The following TRPM3 variants were observed in gnomAD, a reference collection of about 807,000 sequenced individuals.
The protein encoded by TRPM3 is long transient receptor potential channel 3.
A neutral mutation model predicts 181.2 loss-of-function variants in TRPM3; 77 were observed. The ratio of observed to expected loss-of-function variants is 0.42; its 90% CI spans 0.35 to 0.51. The LOEUF is 0.51. TRPM3 is among the 20% of genes least tolerant of loss of function. The pLI is 0.01. For missense variants in TRPM3, 1,759 were observed against 2,196.7 expected (o/e 0.80, Z 3.98); for synonymous variants, 745 against 796.4 (o/e 0.94, Z 1.09).
At chr9:70,547,977 C>G (rs1296457001) in intron 25 of TRPM3, among the ~76,000 whole-genome samples, 1 of 152,228 alleles carries the variant, frequency 6.6e-6, no homozygotes, top group Non-Finnish European at 1.5e-5. Flanking sequence ...CCTCTTCGTT[C>G]TAGTTCCTCA....
intron 1 of TRPM3, among the ~76,000 whole-genome samples, chr9:71,054,497 A>C (rs897461518): frequency 6.6e-6 from 1 of 152,078 alleles, no homozygotes; most frequent in African/African-American, 2.4e-5. Flanking sequence ...TTGTTTATGT[A>C]AGTCAGTCCA....
intron 1 of TRPM3, among the ~76,000 whole-genome samples, chr9:71,323,718 T>C (rs755052554): frequency 2.6e-5 from 4 of 151,888 alleles, no homozygotes; most frequent in Admixed American, 2.0e-4. Flanking sequence ...ATATCCAATA[T>C]GGGCAAGCAA....
At chr9:70,578,166 T>C (rs561138713) in intron 22 of TRPM3, among the ~76,000 whole-genome samples, 1 of 152,278 alleles carries the variant, frequency 6.6e-6, no homozygotes, top group Non-Finnish European at 1.5e-5. Flanking sequence ...AATCTTATCA[T>C]GGGGGGTTTG....
At chr9:71,204,107 C>A (rs551242751) in intron 1 of TRPM3, among the ~76,000 whole-genome samples, 100 of 151,162 alleles carry the variant, frequency 6.6e-4, no homozygotes, top group African/African-American at 2.4e-3. Flanking sequence ...ACCATAAAAA[C>A]CCTAGAAGAA....
chr9:71,051,362 C>G (rs1459380214), intron 1 of TRPM3, among the ~76,000 whole-genome samples: 1 of 152,134 alleles, frequency 6.6e-6, no homozygotes, highest in Non-Finnish European at 1.5e-5. Flanking sequence ...TTCATTATCT[C>G]ATTTCAACAT....
At chr9:70,558,144 C>G (rs909290605) in intron 22 of TRPM3, among the ~76,000 whole-genome samples, 1 of 152,108 alleles carries the variant, frequency 6.6e-6, no homozygotes, top group Non-Finnish European at 1.5e-5. Context: ...GAGAAGTTCT[C>G]TTTTCACAAT....
intron 1 of TRPM3, among the ~76,000 whole-genome samples, chr9:71,440,411 A>G (rs1237302843): frequency 6.6e-6 from 1 of 152,206 alleles, no homozygotes; most frequent in Non-Finnish European, 1.5e-5. Context: ...CTGCACTGGT[A>G]TCTATCCTCA....
chr9:70,751,798 G>A (rs997487376), intron 8 of TRPM3, among the ~76,000 whole-genome samples: 14 of 152,058 alleles, frequency 9.2e-5, no homozygotes, highest in African/African-American at 3.1e-4. Context: ...AATGACTGTA[G>A]AGAAGAAGAG....
intron 8 of TRPM3, among the ~76,000 whole-genome samples, chr9:70,700,062 A>G (rs571220519): frequency 8.5e-5 from 13 of 152,182 alleles, no homozygotes; most frequent in African/African-American, 3.1e-4. Flanking sequence ...GGTTCACTGC[A>G]GTCTCCGCCT....
In TRPM3 at chr9:71,033,962, T is replaced by C. The variant is rs527703158; in HGVS notation, c.177+87216A>G. On this transcript the variant is annotated intron_variant, in intron 1 of 25. Transcript: ENST00000677713. Reference sequence around the variant, plus strand: ...GACACTCACTCACACTGGGACTGTGTAGACATGCTAATGAAACTAACACGC... The same window carrying C: ...GACACTCACTCACACTGGGACTGTGCAGACATGCTAATGAAACTAACACGC... Among the ~76,000 whole-genome samples the C allele has an allele frequency of 3.3e-5, 5 of 152,184 alleles. No individual in the cohort carries two copies. In the South Asian group the frequency reaches 1.0e-3, roughly 32 times the overall value.
chr9:70,843,834 C>T (rs1162026397), intron 4 of TRPM3, among the ~76,000 whole-genome samples: 1 of 152,050 alleles, frequency 6.6e-6, no homozygotes, highest in African/African-American at 2.4e-5. Flanking sequence ...TTCTCTTAAC[C>T]TCCCTCTCAA....
intron 1 of TRPM3, among the ~76,000 whole-genome samples, chr9:71,341,776 T>C (rs376441322): frequency 1.3e-5 from 2 of 152,062 alleles, no homozygotes; most frequent in Admixed American, 6.6e-5. Flanking sequence ...AATTTTCCTA[T>C]GGTTATGTAA....
At chr9:71,199,062 A>C (rs1403122523) in intron 1 of TRPM3, among the ~76,000 whole-genome samples, 1 of 150,330 alleles carries the variant, frequency 6.7e-6, no homozygotes, top group Admixed American at 6.7e-5. Flanking sequence ...TACCTAATTT[A>C]TTGAGAGTTT....
intron 1 of TRPM3, among the ~76,000 whole-genome samples, chr9:70,970,951 GA>G (rs559680915): frequency 1.2e-3 from 187 of 152,222 alleles, no homozygotes; most frequent in Non-Finnish European, 2.2e-3. Flanking sequence ...AAAGAAAATA[GA>G]AAATTTTTTG....
intron 1 of TRPM3, among the ~76,000 whole-genome samples, chr9:71,054,085 T>C (rs1266338561): frequency 2.6e-5 from 4 of 152,110 alleles, no homozygotes; most frequent in Admixed American, 2.6e-4. Flanking sequence ...TATGTATGCC[T>C]TTAGCATGAT....
intron 1 of TRPM3, among the ~76,000 whole-genome samples, chr9:70,946,433 G>GTAATAA (rs55711193): frequency 0.01 from 1,486 of 144,672 alleles, 7 homozygotes; most frequent in African/African-American, 0.017. Flanking sequence ...CTGTTAAATG[G>GTAATAA]TAATAATAAT....
At chr9:71,440,355 G>A (rs28377809) in intron 1 of TRPM3, among the ~76,000 whole-genome samples, 14,448 of 152,106 alleles carry the variant, frequency 0.095, 910 homozygotes, top group African/African-American at 0.18. Flanking sequence ...TGCACTTGCT[G>A]TCATTGTTGT....
intron 1 of TRPM3, among the ~76,000 whole-genome samples, chr9:71,221,517 C>T (rs533804469): frequency 6.6e-6 from 1 of 152,158 alleles, no homozygotes; most frequent in Non-Finnish European, 1.5e-5. Context: ...TTTAATTTTA[C>T]ATTCCATTTT....
intron 10 of TRPM3, among the ~76,000 whole-genome samples, chr9:70,639,396 CA>C (rs1178201874): frequency 6.6e-6 from 1 of 152,160 alleles, no homozygotes; most frequent in Non-Finnish European, 1.5e-5. Context: ...CCTGTCTTTG[CA>C]AATAGAAGTC....
Sources: allele counts gnomAD v4.1 joint callset (sites outside exome capture counted in the v4.1 genomes callset), GRCh38; gene constraint gnomAD v4.1.1; transcripts MANE v1.5; gene names NCBI Gene and HGNC (gene_info 2026-07-23, HGNC 2026-07-21).